Variants in RAB39A observed in about 807,000 individuals in gnomAD.
RAB39A encodes ras-related protein Rab-39A.
Under a neutral mutation model 20.9 loss-of-function variants are expected in RAB39A, and 17 were observed. The ratio of observed to expected loss-of-function variants is 0.81; its 90% CI spans 0.56 to 1.22. The LOEUF (loss-of-function observed/expected upper bound fraction) is 1.22, where lower values mean the gene tolerates loss of function less well. RAB39A is among the 50% of genes most tolerant of loss of function. RAB39A has a pLI of 0.00. For missense variants in RAB39A, 234 were observed against 270.5 expected (o/e 0.87, Z 0.95); for synonymous variants, 99 against 103.4 (o/e 0.96, Z 0.26).
intron 1 of RAB39A, among the ~76,000 whole-genome samples, chr11:107,934,178 A>G (rs976281811): frequency 1.3e-5 from 2 of 152,160 alleles, no homozygotes; most frequent in Non-Finnish European, 2.9e-5. Context: ...CTGTAATCCT[A>G]ACACTTTGGG....
rs953206523 is a variant in RAB39A at position 107,955,889 on chromosome 11, T to C, written c.228-6057T>C. On this transcript the variant is annotated intron_variant, in intron 1 of 1. Coordinates refer to ENST00000320578, the MANE Select transcript of RAB39A (RefSeq NM_017516.3). The stretch of plus-strand genomic sequence containing the variant: ...AATGAAAAAGTTTCACCAAGTATTA[T>C]GCATTTTTTTTTTTAGTAGGGGGTA... Among the ~76,000 whole-genome samples, 3 of 151,988 alleles carry C rather than the reference T, an allele frequency of 2.0e-5. No individual in the cohort carries two copies. In the South Asian group the frequency reaches 6.2e-4, roughly 32 times the overall value.
intron 1 of RAB39A, among the ~76,000 whole-genome samples, chr11:107,952,230 G>A (rs1861388530): frequency 6.6e-6 from 1 of 152,156 alleles, no homozygotes; most frequent in African/African-American, 2.4e-5. Flanking sequence ...TTGAGTAGAA[G>A]GAAATTCTGT....
At chr11:107,946,247 A>C (rs1861306370) in intron 1 of RAB39A, among the ~76,000 whole-genome samples, 1 of 146,050 alleles carries the variant, frequency 6.8e-6, no homozygotes, top group African/African-American at 2.5e-5. Flanking sequence ...AAAAAAAAAA[A>C]CCTGTCCTTA....
intron 1 of RAB39A, among the ~76,000 whole-genome samples, chr11:107,957,029 T>C (rs1861444127): frequency 6.6e-6 from 1 of 152,186 alleles, no homozygotes; most frequent in South Asian, 2.1e-4. Flanking sequence ...GAGGTTTTGA[T>C]ATTTTTAGTG....
Position 107,941,860 on chromosome 11 carries a change from AGGCTGAGGCGGGT to A in RAB39A, c.227+13068_227+13080del, listed in dbSNP as rs1469974353. Among the ~76,000 whole-genome samples, 14 of 152,284 alleles carry A rather than the reference AGGCTGAGGCGGGT, an allele frequency of 9.2e-5. No homozygotes were observed. In the South Asian group the frequency reaches 1.7e-3, roughly 18 times the overall value. Reference sequence around the variant, plus strand: ...GTAATCCCAGCACTTTGGGAGGCTGAGGCTGAGGCGGGTGGATCACTTGTGGTCAGGAGTTGGA... The same window carrying A: ...GTAATCCCAGCACTTTGGGAGGCTGAGGATCACTTGTGGTCAGGAGTTGGA... On this transcript the variant is annotated intron_variant, in intron 1 of 1. Coordinates refer to ENST00000320578, the MANE Select transcript of RAB39A (RefSeq NM_017516.3).
intron 1 of RAB39A, among the ~76,000 whole-genome samples, chr11:107,938,604 A>T (rs2062878): frequency 0.28 from 40,915 of 144,556 alleles, 6,049 homozygotes; most frequent in African/African-American, 0.36. Flanking sequence ...GGCATGGTGG[A>T]GTGCCCCTGT....
At chr11:107,959,858 C>CT (rs1175605292) in intron 1 of RAB39A, among the ~76,000 whole-genome samples, 5 of 152,218 alleles carry the variant, frequency 3.3e-5, no homozygotes, top group Admixed American at 3.3e-4. Flanking sequence ...AAACTGGAAA[C>CT]TGAGACTCAT....
chr11:107,944,444 G>A (rs569405765), intron 1 of RAB39A, among the ~76,000 whole-genome samples: 3 of 152,250 alleles, frequency 2.0e-5, no homozygotes, highest in Admixed American at 2.0e-4. Flanking sequence ...CAGACTTATA[G>A]CAAAGAAAGA....
At position 107,953,132 on chromosome 11, in the gene RAB39A, C is replaced by T. The variant is rs571529906; in HGVS notation, c.228-8814C>T. Among the ~76,000 whole-genome samples, 15 of 152,290 alleles carry T rather than the reference C, an allele frequency of 9.8e-5. 1 individual carries two copies. In the East Asian group the frequency reaches 2.9e-3, roughly 29 times the overall value. On this transcript the variant is annotated intron_variant, in intron 1 of 1. Transcript: ENST00000320578. ...TTAAAATTAACAGTGCTGTACACTT[C>T]ACTGTACACTTAAAAATTGTTAAGA...
chr11:107,929,261 G>T (rs915342637), intron 1 of RAB39A, among the ~76,000 whole-genome samples: 4 of 152,180 alleles, frequency 2.6e-5, no homozygotes, highest in African/African-American at 9.6e-5. Context: ...CGCGAGGGAG[G>T]GTTCCCAGAT....
Position 107,928,969 on chromosome 11 carries a change from TTCC to T in RAB39A, c.227+181_227+183del, listed in dbSNP as rs534390143. ...TTGCCCCTCCTCTTCCAGGGACGAC[TTCC>T]TCCTCCGCAATTTCTCACTTCTTTC... is the stretch of plus-strand genomic sequence containing the variant. On this transcript the variant is annotated intron_variant, in intron 1 of 1. Coordinates refer to ENST00000320578, the MANE Select transcript of RAB39A (RefSeq NM_017516.3). This position sits in a 1 kb window ranked among gnomAD's most constrained non-coding sequence, Gnocchi z 4.9. Among the ~76,000 whole-genome samples the T allele has an allele frequency of 7.2e-5, 11 of 151,988 alleles. No individual in the cohort carries two copies. The highest frequency in any genetic ancestry group is 1.2e-4 in the Non-Finnish European group (8 of 67,986).
At chr11:107,949,539 C>A (rs1412012609) in intron 1 of RAB39A, among the ~76,000 whole-genome samples, 2 of 151,988 alleles carry the variant, frequency 1.3e-5, no homozygotes, top group Admixed American at 6.6e-5. Flanking sequence ...GAAAACATGT[C>A]CTTTCATTAT....
chr11:107,962,612 T>TA lies in RAB39A; in HGVS notation c.*241dup, dbSNP rs1372326276. On this transcript the variant is annotated 3_prime_UTR_variant, in exon 2 of 2. Coordinates refer to ENST00000320578, the MANE Select transcript of RAB39A (RefSeq NM_017516.3). ...TTTTTCTTGAAATTACCTCCATTCT[T>TA]ACTTTGTTAGCATACGCTGACCTTA... The TA allele has an allele frequency of 7.5e-6, 3 of 399,262 alleles. No individual in the cohort carries two copies. Among genetic ancestry groups the TA allele is most frequent in the African/African-American group, 4.0e-5 (2 of 49,802 alleles). 24.7% of individuals were successfully genotyped at this position (399,262 alleles called of 1,614,324 possible).
At chr11:107,958,812 A>C (rs1300591844) in intron 1 of RAB39A, among the ~76,000 whole-genome samples, 2 of 152,168 alleles carry the variant, frequency 1.3e-5, no homozygotes, top group Non-Finnish European at 2.9e-5. Flanking sequence ...ATAAAAAATA[A>C]GTTTTTTGAA....
intron 1 of RAB39A, among the ~76,000 whole-genome samples, chr11:107,958,729 G>A (rs1472130454): frequency 1.5e-5 from 2 of 136,846 alleles, no homozygotes; most frequent in African/African-American, 4.9e-5. Context: ...AGGATGATTT[G>A]CCAACTGTAA....
intron 1 of RAB39A, among the ~76,000 whole-genome samples, chr11:107,958,457 A>G (rs1387529010): frequency 6.6e-6 from 1 of 152,180 alleles, no homozygotes; most frequent in Admixed American, 6.5e-5. Flanking sequence ...CCTGCCTTTC[A>G]GTTCAAGTTT....
chr11:107,928,841 G>A lies in RAB39A; in HGVS notation c.227+46G>A. 7.0e-7 allele frequency: 1 copy of A among 1,422,562 alleles called. No homozygotes were observed. Among genetic ancestry groups the A allele is most frequent in the East Asian group, 2.6e-5 (1 of 38,084 alleles). 88.1% of individuals were successfully genotyped at this position (1,422,562 alleles called of 1,614,324 possible). On this transcript the variant is annotated intron_variant, in intron 1 of 1. Coordinates refer to ENST00000320578, the MANE Select transcript of RAB39A (RefSeq NM_017516.3). This position sits in a 1 kb window ranked among gnomAD's most constrained non-coding sequence, Gnocchi z 4.9. ...GGGCACCGCGCCGCCCCCTCAGCCC[G>A]CCCGGACGCCCCTTCCCCAGGCGTC... is the stretch of plus-strand genomic sequence containing the variant.
At chr11:107,945,169 G>A (rs953318937) in intron 1 of RAB39A, among the ~76,000 whole-genome samples, 2 of 149,334 alleles carry the variant, frequency 1.3e-5, no homozygotes, top group Admixed American at 1.3e-4. Context: ...AGGTGACAGA[G>A]TAAGACTCCA....
At position 107,962,021 on chromosome 11, in the gene RAB39A, T is replaced by G; in HGVS notation, c.303T>G (p.Phe101Leu). The change falls in exon 2 of 2, where the codon TTT (phenylalanine) becomes TTG (leucine). Residue 101 changes from phenylalanine to leucine, a missense_variant. Physicochemically the swap from Phe to Leu is conservative, Grantham distance 22. Transcript: ENST00000320578. ...TTGACATTACTAACCGACGATCTTT[T>G]GAACATGTGAAAGATTGGCTAGAAG... ...LVFDITNRRS[F>L]EHVKDWLEEA... 1 of 1,613,946 alleles carries G rather than the reference T, an allele frequency of 6.2e-7. No homozygotes were observed. Among genetic ancestry groups the G allele is most frequent in the Non-Finnish European group, 8.5e-7 (1 of 1,179,838 alleles).
Sources: allele counts gnomAD v4.1 joint callset (sites outside exome capture counted in the v4.1 genomes callset), GRCh38; gene constraint gnomAD v4.1.1; non-coding constraint Gnocchi (gnomAD v3.1); transcripts MANE v1.5; gene names NCBI Gene and HGNC (gene_info 2026-07-23, HGNC 2026-07-21).